The following ANO6 variants were observed in gnomAD, a reference collection of about 807,000 sequenced individuals.
ANO6 encodes anoctamin-6.
ANO6 carries 106 observed loss-of-function variants against 117.5 expected under a neutral mutation model. The observed-to-expected ratio is 0.90, with a 90% CI of 0.77 to 1.06. The LOEUF (loss-of-function observed/expected upper bound fraction) is 1.06, where lower values mean the gene tolerates loss of function less well. Among genes scored for constraint, ANO6 ranks in the 50% least tolerant of loss-of-function variants. The pLI, the probability that ANO6 is intolerant of heterozygous loss-of-function variation, is 0.00. For missense variants in ANO6, 955 were observed against 1,121.1 expected (o/e 0.85, Z 2.12); for synonymous variants, 367 against 385.1 (o/e 0.95, Z 0.55).
At chr12:45,354,173 A>C (rs1196822904) in intron 7 of ANO6, among the ~76,000 whole-genome samples, 1 of 143,516 alleles carries the variant, frequency 7.0e-6, no homozygotes, top group East Asian at 1.9e-4. Flanking sequence ...AGAGCCACTG[A>C]GTCACTCCAA....
intron 8 of ANO6, among the ~76,000 whole-genome samples, chr12:45,357,947 T>A (rs2137476868): frequency 6.6e-6 from 1 of 152,358 alleles, no homozygotes; most frequent in East Asian, 1.9e-4. Context: ...TTTAAAAAAA[T>A]GTAGTGAAAA....
intron 2 of ANO6, among the ~76,000 whole-genome samples, chr12:45,316,575 G>A (rs1015053997): frequency 1.3e-5 from 2 of 152,172 alleles, no homozygotes; most frequent in Non-Finnish European, 1.5e-5. Flanking sequence ...TTCTGGAAAC[G>A]ACTTAGTCTA....
At chr12:45,250,414 A>G (rs1202215725) in intron 1 of ANO6, among the ~76,000 whole-genome samples, 1 of 152,150 alleles carries the variant, frequency 6.6e-6, no homozygotes, top group Non-Finnish European at 1.5e-5. Flanking sequence ...ATTTATCGAG[A>G]TGGGGTCTAG....
At chr12:45,337,623 A>G (rs778308472) in intron 3 of ANO6, among the ~76,000 whole-genome samples, 17 of 152,108 alleles carry the variant, frequency 1.1e-4, no homozygotes, top group Non-Finnish European at 2.2e-4. Flanking sequence ...AGATAATAGA[A>G]TAGTGATTAG....
chr12:45,433,595 G>A (rs570757291), downstream of ANO6, among the ~76,000 whole-genome samples: 10 of 152,278 alleles, frequency 6.6e-5, no homozygotes, highest in Non-Finnish European at 1.0e-4. Flanking sequence ...ACTTCAGAAC[G>A]GAATGCTGTA....
intron 1 of ANO6, among the ~76,000 whole-genome samples, chr12:45,233,134 G>T (rs918898312): frequency 1.4e-4 from 22 of 152,170 alleles, no homozygotes; most frequent in African/African-American, 5.1e-4. Flanking sequence ...CCTGACTTCG[G>T]CTGGGAGTCA....
intron 14 of ANO6, 57 bp from the exon 15 acceptor site, chr12:45,403,382 A>G (rs1458257894): frequency 6.5e-6 from 10 of 1,536,344 alleles, no homozygotes; most frequent in South Asian, 1.1e-5. Context: ...TAGAATGCCT[A>G]TATTTCAAGT....
rs776363904 is a variant in ANO6, at chr12:45,403,528, A to C, written c.1872A>C (p.Val624=). ...GKAIWNNIQE[V]LLPWIMNLIG... ...CAATCTGGAATAACATACAAGAAGT[A>C]TTATTGCCGTGAGTGTTAAATTGTA... The change falls in exon 15 of 20, where the codon GTA becomes GTC. Residue 624 remains valine (V), a synonymous_variant. Coordinates refer to ENST00000320560, the MANE Select transcript of ANO6 (RefSeq NM_001025356.3). 6.2e-7 allele frequency: 1 copy of C among 1,610,836 alleles called. No individual in the cohort carries two copies. Among genetic ancestry groups the C allele is most frequent in the Non-Finnish European group, 8.5e-7 (1 of 1,177,138 alleles).
chr12:45,401,833 CT>C lies in ANO6; in HGVS notation c.1426del (p.Tyr476IlefsTer27). ...IIASVIGIIV[Y>X]RLSVFIVFSA... ...TCGCTTCAGTTATTGGGATCATTGT[CT>C]ATAGGCTCTCGGTGTTCATTGTATT... On this transcript the variant is annotated frameshift_variant, in exon 13 of 20. Transcript: ENST00000320560. LOFTEE classifies it high-confidence loss of function. The C allele has an allele frequency of 6.2e-7, 1 of 1,613,888 alleles. No homozygotes were observed. The highest frequency in any genetic ancestry group is 8.5e-7 in the Non-Finnish European group (1 of 1,179,972).
At chr12:45,348,342 G>C in intron 5 of ANO6, 27 bp downstream of exon 5, 1 of 1,613,886 alleles carries the variant, frequency 6.2e-7, no homozygotes, top group Non-Finnish European at 8.5e-7. Context: ...TTTAGTTGCT[G>C]TCTTGGGGTA....
intron 10 of ANO6, among the ~76,000 whole-genome samples, chr12:45,382,652 A>G (rs1329568000): frequency 2.0e-5 from 3 of 152,198 alleles, no homozygotes; most frequent in Non-Finnish European, 4.4e-5. Context: ...CCACCACAAG[A>G]AAGCGAGTAT....
At chr12:45,426,488 T>C (rs935207531) in intron 19 of ANO6, among the ~76,000 whole-genome samples, 11 of 152,250 alleles carry the variant, frequency 7.2e-5, no homozygotes, top group African/African-American at 2.4e-4. Flanking sequence ...TCCTCTATCT[T>C]TCTATCATGC....
At chr12:45,336,329 G>A (rs1319055801) in intron 3 of ANO6, among the ~76,000 whole-genome samples, 1 of 151,928 alleles carries the variant, frequency 6.6e-6, no homozygotes, top group Non-Finnish European at 1.5e-5. Flanking sequence ...TGATAGTATA[G>A]TATAACTCAA....
intron 2 of ANO6, among the ~76,000 whole-genome samples, chr12:45,327,750 AGGAGATG>A (rs1189694420): frequency 6.6e-6 from 1 of 152,188 alleles, no homozygotes; most frequent in Non-Finnish European, 1.5e-5. Context: ...GCTCATGTCT[AGGAGATG>A]GGATTACATA....
intron 1 of ANO6, among the ~76,000 whole-genome samples, chr12:45,275,031 G>T (rs2137241564): frequency 6.6e-6 from 1 of 151,796 alleles, no homozygotes; most frequent in East Asian, 1.9e-4. Flanking sequence ...TATCCCAGTA[G>T]ATTGTAAGCT....
At chr12:45,267,963 C>A (rs1304804287) in intron 1 of ANO6, among the ~76,000 whole-genome samples, 1 of 151,438 alleles carries the variant, frequency 6.6e-6, no homozygotes, top group Non-Finnish European at 1.5e-5. Flanking sequence ...AAATAACTCT[C>A]TCTCCCAACC....
At chr12:45,253,367 AT>A (rs1937693889) in intron 1 of ANO6, among the ~76,000 whole-genome samples, 1 of 152,236 alleles carries the variant, frequency 6.6e-6, no homozygotes, top group Non-Finnish European at 1.5e-5. Context: ...AGAATTCAGA[AT>A]TCTTAAATGT....
At chr12:45,422,848 A>AAT in intron 18 of ANO6, 109 bp from the exon 19 acceptor site, 2 of 838,684 alleles carry the variant, frequency 2.4e-6, no homozygotes, top group Non-Finnish European at 4.1e-6. Flanking sequence ...TGCTAGGATT[A>AAT]CAGGCATGAG....
rs1216530333 is a variant in ANO6 at position 45,348,089 on chromosome 12, A to G, written c.407A>G (p.Tyr136Cys). The G allele has an allele frequency of 1.2e-6, 2 of 1,613,964 alleles. No homozygotes were observed. Among genetic ancestry groups the G allele is most frequent in the Admixed American group, 1.7e-5 (1 of 59,986 alleles). The change falls in exon 5 of 20, where the codon TAT becomes TGT. Residue 136 changes from tyrosine (Y) to cysteine (C), a missense_variant. By Grantham distance (194) the Tyr-to-Cys change is radical. Transcript: ENST00000320560. The stretch of plus-strand genomic sequence containing the variant: ...GCACCATGGGAGGTGTTATGTACGT[A>G]TGCTGAGATAATGCACATCAAATTG... ...VHAPWEVLCT[Y>C]AEIMHIKLPL...
Sources: allele counts gnomAD v4.1 joint callset (sites outside exome capture counted in the v4.1 genomes callset), GRCh38; gene constraint gnomAD v4.1.1; transcripts MANE v1.5; gene names NCBI Gene and HGNC (gene_info 2026-07-23, HGNC 2026-07-21).